The following NR3C2 variants were observed in gnomAD, a reference collection of about 807,000 sequenced individuals.
The protein encoded by NR3C2 is nuclear receptor subfamily 3 group C member 2.
A neutral mutation model predicts 86.4 loss-of-function variants in NR3C2; 15 were observed. The observed-to-expected ratio is 0.17, with a 90% confidence interval of 0.12 to 0.27. The LOEUF is 0.27. Among genes scored for constraint, NR3C2 ranks in the 10% least tolerant of loss-of-function variants. NR3C2 has a pLI of 1.00. For synonymous variants in NR3C2, 458 were observed against 450.5 expected (o/e 1.02, Z -0.21); for missense variants, 960 against 1,195.6 (o/e 0.80, Z 2.91).
chr4:148,180,198 G>C (rs1735583277), intron 4 of NR3C2, among the ~76,000 whole-genome samples: 1 of 151,762 alleles, frequency 6.6e-6, no homozygotes, highest in Non-Finnish European at 1.5e-5. Flanking sequence ...GAGTTTTGCA[G>C]GTGACCATGC....
chr4:148,108,921 C>T (rs988999162), intron 8 of NR3C2, among the ~76,000 whole-genome samples: 22 of 152,174 alleles, frequency 1.4e-4, no homozygotes, highest in Admixed American at 4.6e-4. Flanking sequence ...AAATCTGGAG[C>T]GCCGGAGGGT....
At chr4:148,252,093 C>A (rs190617443) in intron 3 of NR3C2, among the ~76,000 whole-genome samples, 2 of 152,266 alleles carry the variant, frequency 1.3e-5, no homozygotes, top group Admixed American at 6.5e-5. Flanking sequence ...ATGCACGACT[C>A]AGTGGATGGA....
intron 2 of NR3C2, among the ~76,000 whole-genome samples, chr4:148,349,220 G>A (rs1022312120): frequency 1.3e-5 from 2 of 152,096 alleles, no homozygotes; most frequent in African/African-American, 4.8e-5. Context: ...GTCACCTCTT[G>A]TTGAAAATTC....
intron 6 of NR3C2, among the ~76,000 whole-genome samples, chr4:148,137,065 G>A (rs1366596738): frequency 6.6e-6 from 1 of 152,198 alleles, no homozygotes; most frequent in Non-Finnish European, 1.5e-5. Flanking sequence ...TTTAGGGGAA[G>A]TGATTAGGAT....
At chr4:148,277,862 A>G (rs1433551930) in intron 2 of NR3C2, among the ~76,000 whole-genome samples, 1 of 152,190 alleles carries the variant, frequency 6.6e-6, no homozygotes, top group Non-Finnish European at 1.5e-5. Flanking sequence ...TGCACAGGCC[A>G]AGACCCAGAA....
chr4:148,088,072 A>G (rs547852703), intron 8 of NR3C2, among the ~76,000 whole-genome samples: 1 of 152,366 alleles, frequency 6.6e-6, no homozygotes, highest in African/African-American at 2.4e-5. Flanking sequence ...ACTCTTCTCA[A>G]AAGAAGACAT....
intron 2 of NR3C2, among the ~76,000 whole-genome samples, chr4:148,299,641 C>A (rs1742233533): frequency 6.6e-6 from 1 of 152,248 alleles, no homozygotes; most frequent in South Asian, 2.1e-4. Flanking sequence ...GAGCTCCATC[C>A]AAGCCCCAGG....
intron 2 of NR3C2, among the ~76,000 whole-genome samples, chr4:148,385,326 A>G (rs553716044): frequency 6.6e-6 from 1 of 152,364 alleles, no homozygotes; most frequent in East Asian, 1.9e-4. Context: ...AAGACCTTCA[A>G]GGTCAACCCT....
chr4:148,361,335 C>T (rs1421389504), intron 2 of NR3C2, among the ~76,000 whole-genome samples: 1 of 152,140 alleles, frequency 6.6e-6, no homozygotes, highest in South Asian at 2.1e-4. Context: ...AATCTCTAGG[C>T]TACGATATTC....
intron 6 of NR3C2, among the ~76,000 whole-genome samples, chr4:148,125,108 G>A (rs1453709992): frequency 1.3e-5 from 2 of 152,160 alleles, no homozygotes; most frequent in East Asian, 3.8e-4. Context: ...GCTTGTGGAT[G>A]GGACACTACA....
intron 6 of NR3C2, among the ~76,000 whole-genome samples, chr4:148,147,199 T>C (rs1483804474): frequency 1.3e-5 from 2 of 152,246 alleles, no homozygotes; most frequent in Non-Finnish European, 2.9e-5. Context: ...TCCTTTATTA[T>C]TCCCTATTTC....
intron 2 of NR3C2, among the ~76,000 whole-genome samples, chr4:148,278,767 C>G (rs774438953): frequency 7.2e-5 from 11 of 152,072 alleles, no homozygotes; most frequent in African/African-American, 1.2e-4. Context: ...CATATACCCA[C>G]ATTCGTTAAC....
intron 3 of NR3C2, among the ~76,000 whole-genome samples, chr4:148,199,017 C>G (rs994967384): frequency 1.5e-5 from 2 of 137,912 alleles, no homozygotes; most frequent in Admixed American, 7.9e-5. Context: ...ACCCGGGAGG[C>G]GGAGCTTGCA....
intron 3 of NR3C2, among the ~76,000 whole-genome samples, chr4:148,228,280 T>TACAC (rs61297657): frequency 0.42 from 63,458 of 151,266 alleles, 14,419 homozygotes; most frequent in South Asian, 0.55. Context: ...GCATTATTTA[T>TACAC]ACACACACAC....
At chr4:148,247,318 C>T (rs1399841417) in intron 3 of NR3C2, among the ~76,000 whole-genome samples, 2 of 152,154 alleles carry the variant, frequency 1.3e-5, no homozygotes, top group East Asian at 3.8e-4. Flanking sequence ...GTTCACATCT[C>T]ATCCCAATGG....
chr4:148,408,374 C>T (rs1748524035), intron 2 of NR3C2, among the ~76,000 whole-genome samples: 1 of 152,102 alleles, frequency 6.6e-6, no homozygotes, highest in Admixed American at 6.6e-5. Flanking sequence ...GATTTCCATC[C>T]TCTATTTTAA....
At chr4:148,350,224 G>A (rs1444473327) in intron 2 of NR3C2, among the ~76,000 whole-genome samples, 1 of 152,112 alleles carries the variant, frequency 6.6e-6, no homozygotes, top group Non-Finnish European at 1.5e-5. Context: ...AGTATAGAAG[G>A]AGGTCTGTTT....
chr4:148,124,101 GATGGCAGGT>G (rs1652982371), intron 6 of NR3C2, among the ~76,000 whole-genome samples: 1 of 152,206 alleles, frequency 6.6e-6, no homozygotes, highest in Admixed American at 6.5e-5. Context: ...AGTTGGGCAT[GATGGCAGGT>G]GCCTGTAATC....
intron 2 of NR3C2, among the ~76,000 whole-genome samples, chr4:148,374,839 C>T (rs920752296): frequency 2.0e-5 from 3 of 152,172 alleles, no homozygotes; most frequent in Non-Finnish European, 4.4e-5. Context: ...TTTCTGAAAT[C>T]CCCCTGTATC....
Sources: allele counts gnomAD v4.1 joint callset (sites outside exome capture counted in the v4.1 genomes callset), GRCh38; gene constraint gnomAD v4.1.1; transcripts MANE v1.5; gene names NCBI Gene and HGNC (gene_info 2026-07-23, HGNC 2026-07-21).